Variants in MDGA2 observed in about 807,000 individuals in gnomAD.
MDGA2 encodes MAM domain containing glycosylphosphatidylinositol anchor 2, also known as MAM domain-containing glycosylphosphatidylinositol anchor protein 2.
MDGA2 carries 40 observed loss-of-function variants against 117.8 expected under a neutral mutation model. The observed-to-expected ratio is 0.34, with a 90% CI of 0.26 to 0.44. The LOEUF (loss-of-function observed/expected upper bound fraction) is 0.44, where lower values mean the gene tolerates loss of function less well. Ranked by LOEUF, MDGA2 falls within the 20% of genes least tolerant of loss-of-function variation. The probability of loss-of-function intolerance (pLI) is 1.00; values close to 1 mark genes in which losing one functional copy is unlikely to be tolerated. For missense variants in MDGA2, 1,123 were observed against 1,250.6 expected (o/e 0.90, Z 1.54); for synonymous variants, 452 against 439.0 (o/e 1.03, Z -0.37).
intron 1 of MDGA2, among the ~76,000 whole-genome samples, chr14:47,398,814 G>A (rs1181944487): frequency 6.6e-6 from 1 of 151,968 alleles, no homozygotes; most frequent in African/African-American, 2.4e-5. Flanking sequence ...TTGATTTTGA[G>A]TCTCTATGTA....
chr14:46,868,657 G>A (rs1489780473), intron 14 of MDGA2, among the ~76,000 whole-genome samples: 3 of 151,916 alleles, frequency 2.0e-5, no homozygotes, highest in East Asian at 1.9e-4. Context: ...GCAGTACTAC[G>A]CACAGATGGG....
intron 1 of MDGA2, among the ~76,000 whole-genome samples, chr14:47,308,645 T>C (rs1889537107): frequency 6.7e-6 from 1 of 149,804 alleles, no homozygotes; most frequent in Admixed American, 6.7e-5. Context: ...AGCATATAAA[T>C]AAGCTTAGTG....
At chr14:47,062,455 CT>C (rs1333035549) in intron 6 of MDGA2, among the ~76,000 whole-genome samples, 1 of 151,426 alleles carries the variant, frequency 6.6e-6, no homozygotes, top group Non-Finnish European at 1.5e-5. Flanking sequence ...TATGGAAAAG[CT>C]TTCTCTCTTT....
Position 47,639,009 on chromosome 14 carries a change from A to G in MDGA2, c.280+35508T>C, listed in dbSNP as rs561360143. Among the ~76,000 whole-genome samples the G allele has an allele frequency of 4.7e-4, 71 of 152,272 alleles. 1 individual carries two copies. Among genetic ancestry groups the G allele is most frequent in the African/African-American group, 1.6e-3 (67 of 41,568 alleles). The stretch of plus-strand genomic sequence containing the variant: ...GCAGTCAGCATTTCCTCACCCTGCA[A>G]TACTCTACCCTAACTTCATCACATA... On this transcript the variant is annotated intron_variant, in intron 1 of 16. Coordinates refer to ENST00000399232, the MANE Select transcript of MDGA2 (RefSeq NM_001113498.3).
chr14:47,133,130 CAA>C (rs1201398229), intron 4 of MDGA2, among the ~76,000 whole-genome samples: 1 of 147,172 alleles, frequency 6.8e-6, no homozygotes, highest in East Asian at 2.0e-4. Flanking sequence ...AACAAACAAA[CAA>C]AAAAAAACTA....
At position 47,199,245 on chromosome 14, in the gene MDGA2, T is replaced by A. The variant is rs574690348; in HGVS notation, c.595+18776A>T. 5.9e-5 allele frequency among the ~76,000 whole-genome samples: 9 copies of A among 152,238 alleles called. No individual in the cohort carries two copies. In the South Asian group the frequency reaches 1.9e-3, roughly 32 times the overall value. On this transcript the variant is annotated intron_variant, in intron 3 of 16. Coordinates refer to ENST00000399232, the MANE Select transcript of MDGA2 (RefSeq NM_001113498.3). ...ATATATATAATTTGAAATAGTATTT[T>A]CACATCTGATTTTTTAAATAAAGAC...
intron 1 of MDGA2, among the ~76,000 whole-genome samples, chr14:47,374,028 A>G (rs1186906974): frequency 1.3e-5 from 2 of 152,114 alleles, no homozygotes; most frequent in African/African-American, 2.4e-5. Context: ...CTTTCTCTTA[A>G]TTTTACATAT....
chr14:46,924,722 G>T (rs900864720), intron 9 of MDGA2, among the ~76,000 whole-genome samples: 2 of 151,838 alleles, frequency 1.3e-5, no homozygotes, highest in African/African-American at 4.8e-5. Flanking sequence ...TTCTGATACA[G>T]TTGGTGGCAT....
intron 8 of MDGA2, among the ~76,000 whole-genome samples, chr14:47,021,241 A>T (rs1888275853): frequency 6.6e-6 from 1 of 152,188 alleles, no homozygotes; most frequent in Admixed American, 6.5e-5. Context: ...GTAAAATAAC[A>T]TATGTTTAGA....
At chr14:47,370,468 G>GTTTTTTTTTTTTTTT (rs67255552) in intron 1 of MDGA2, among the ~76,000 whole-genome samples, 2 of 20,684 alleles carry the variant, frequency 9.7e-5, no homozygotes, top group African/African-American at 1.3e-4. Flanking sequence ...TCTACTTACT[G>GTTTTTTTTTTTTTTT]TTTTTTTTTT....
intron 8 of MDGA2, among the ~76,000 whole-genome samples, chr14:46,968,494 G>A (rs1013145661): frequency 2.1e-4 from 32 of 152,094 alleles, no homozygotes; most frequent in African/African-American, 7.5e-4. Flanking sequence ...CTTTGCTGAT[G>A]ACATGATCTT....
chr14:46,958,470 A>AT (rs200306597), intron 8 of MDGA2, among the ~76,000 whole-genome samples: 17,890 of 152,226 alleles, frequency 0.12, 1,993 homozygotes, highest in African/African-American at 0.27. Flanking sequence ...ATATGATCAA[A>AT]TAATTTTTTT....
intron 1 of MDGA2, among the ~76,000 whole-genome samples, chr14:47,568,851 G>A (rs1413364442): frequency 2.0e-5 from 3 of 151,364 alleles, no homozygotes; most frequent in African/African-American, 4.9e-5. Context: ...TTTTAAGTTT[G>A]CACTGATGTT....
intron 1 of MDGA2, among the ~76,000 whole-genome samples, 191 bp downstream of exon 1, chr14:47,674,326 C>T (rs909572227): frequency 1.3e-5 from 2 of 152,228 alleles, no homozygotes; most frequent in African/African-American, 4.8e-5. Context: ...AGCCCAGGCG[C>T]CGGGGAAGCG....
At chr14:47,172,353 G>T (rs925318008) in intron 3 of MDGA2, among the ~76,000 whole-genome samples, 7 of 151,844 alleles carry the variant, frequency 4.6e-5, no homozygotes, top group African/African-American at 1.5e-4. Context: ...CCTCAAGTGG[G>T]TCCCTGACCC....
rs373123081 is a variant in MDGA2 at position 47,193,143 on chromosome 14, C to T, written c.595+24878G>A. Among the ~76,000 whole-genome samples the T allele has an allele frequency of 4.6e-5, 7 of 152,260 alleles. No individual in the cohort carries two copies. The South Asian group carries it at 8.3e-4, about 18-fold the overall frequency. ...TCTTGGAAAACTTTCTCAGTCCTCT[C>T]GAAAAAGTAAGATTTCAGTAATCGA... On this transcript the variant is annotated intron_variant, in intron 3 of 16. Coordinates refer to ENST00000399232, the MANE Select transcript of MDGA2 (RefSeq NM_001113498.3).
At position 47,664,265 on chromosome 14, in the gene MDGA2, C is replaced by A. The variant is rs530103791; in HGVS notation, c.280+10252G>T. Among the ~76,000 whole-genome samples, 25 of 152,284 alleles carry A rather than the reference C, an allele frequency of 1.6e-4. No individual in the cohort carries two copies. The East Asian group carries it at 4.2e-3, about 26-fold the overall frequency. On this transcript the variant is annotated intron_variant, in intron 1 of 16. Coordinates refer to ENST00000399232, the MANE Select transcript of MDGA2 (RefSeq NM_001113498.3). ...TCTGTTATTTTCCCCTAGACTGACA[C>A]AACCAGAATATTTTTTCCAGAAAAA... is the stretch of plus-strand genomic sequence containing the variant.
intron 5 of MDGA2, among the ~76,000 whole-genome samples, chr14:47,114,774 G>A (rs921943882): frequency 2.0e-5 from 3 of 152,090 alleles, no homozygotes; most frequent in East Asian, 3.9e-4. Flanking sequence ...ATTAACTTAA[G>A]ACGGATTAAA....
chr14:47,334,404 T>C (rs2139922517), intron 1 of MDGA2, among the ~76,000 whole-genome samples: 1 of 151,940 alleles, frequency 6.6e-6, no homozygotes, highest in Admixed American at 6.6e-5. Context: ...GTAGCATAGC[T>C]TTTAGTTCAT....
Sources: gnomAD v4.1 joint callset for allele counts (sites outside exome capture counted in the v4.1 genomes callset) on GRCh38, gnomAD v4.1.1 for gene constraint, MANE v1.5 for transcripts, NCBI Gene and HGNC (gene_info 2026-07-23, HGNC 2026-07-21) for gene names.